Variants in TPCN2 observed in about 807,000 individuals in gnomAD.
TPCN2 encodes two pore segment channel 2.
Under a neutral mutation model 111.4 loss-of-function variants are expected in TPCN2, and 92 were observed. The observed-to-expected ratio is 0.83, with a 90% CI of 0.70 to 0.98. The LOEUF is 0.98. Ranked by LOEUF, TPCN2 falls within the 50% of genes least tolerant of loss-of-function variation. The pLI, the probability that TPCN2 is intolerant of heterozygous loss-of-function variation, is 0.00. For missense variants in TPCN2, 995 were observed against 980.1 expected, an observed-to-expected ratio of 1.02 and a Z score of -0.20; for synonymous variants, 405 against 414.5, an observed-to-expected ratio of 0.98 and a Z score of 0.28.
rs150917419 is a variant in TPCN2 at position 69,057,668 on chromosome 11, G to A, written c.520G>A (p.Val174Met). The change falls in exon 5 of 25, where the codon GTG becomes ATG. Residue 174 changes from valine to methionine, a missense_variant. By Grantham distance (21) the Val-to-Met change is conservative. Transcript: ENST00000294309. ...GGTGGTGTCTCTGGTGGACTGGACC[G>A]TGTCCCTGAGTCTCGTGTGTCATGA... ...VLVVSLVDWT[V>M]SLSLVCHEPL... The A allele has an allele frequency of 5.6e-6, 9 of 1,614,064 alleles. No individual in the cohort carries two copies. The highest frequency in any genetic ancestry group is 1.3e-5 in the African/African-American group (1 of 74,928).
intron 5 of TPCN2, among the ~76,000 whole-genome samples, chr11:69,058,682 G>A (rs1854882783): frequency 1.3e-5 from 2 of 152,222 alleles, no homozygotes; most frequent in Admixed American, 1.3e-4. Context: ...GCACGGCAGA[G>A]CGGAAGGGTG....
rs770455978 is a variant in TPCN2, at chr11:69,081,386, G to A, written c.1590-14G>A. On this transcript the variant is annotated splice_polypyrimidine_tract_variant and intron_variant, in intron 17 of 24. Coordinates refer to ENST00000294309, the MANE Select transcript of TPCN2 (RefSeq NM_139075.4). ...CTGGGCTCCTCCCAACCCGCCTCCC[G>A]TGTCTCTCCCCAGGAGGCCGGAGAT... The A allele has an allele frequency of 9.8e-6, 15 of 1,536,408 alleles. No individual in the cohort carries two copies. Among genetic ancestry groups the A allele is most frequent in the South Asian group, 3.6e-5 (3 of 83,822 alleles).
At position 69,049,009 on chromosome 11, in the gene TPCN2, C is replaced by T; in HGVS notation, c.12C>T (p.Pro4=). The T allele has an allele frequency of 8.1e-7, 1 of 1,239,648 alleles. No homozygotes were observed. The highest frequency in any genetic ancestry group is 1.0e-6 in the Non-Finnish European group (1 of 988,116). The allele number at this position is 1,239,648 out of a possible 1,614,324, so 76.8% of individuals were successfully genotyped here. ...GCGTGGGCTGCTGGATGGCGGAACC[C>T]CAGGCGGAGTCGGAGCCCCTGCTGG... The part of the protein sequence containing the change: MAE[P]QAESEPLLGG... The change falls in exon 1 of 25, where the codon CCC becomes CCT. Residue 4 remains proline, a synonymous_variant. Coordinates refer to ENST00000294309, the MANE Select transcript of TPCN2 (RefSeq NM_139075.4).
In TPCN2 at chr11:69,084,074, C is replaced by G; in HGVS notation, c.1761+58C>G. On this transcript the variant is annotated intron_variant, in intron 19 of 24. Coordinates refer to ENST00000294309, the MANE Select transcript of TPCN2 (RefSeq NM_139075.4). The stretch of plus-strand genomic sequence containing the variant: ...TGCACTGGAGTGGGAGGCTGGGAGG[C>G]TGGCGGAAGGCAGTGCCGGGCCGGC... 3 of 1,568,004 alleles carry G rather than the reference C, an allele frequency of 1.9e-6. No homozygotes were observed. In the South Asian group the frequency reaches 3.3e-5, roughly 17 times the overall value.
intron 16 of TPCN2, 102 bp from the exon 17 acceptor site, chr11:69,079,732 T>G: frequency 9.3e-5 from 100 of 1,072,086 alleles, no homozygotes; most frequent in Non-Finnish European, 1.2e-4. Context: ...AAAAGCCCCT[T>G]TTGGGGAGAA....
chr11:69,083,690 C>T (rs565597958), intron 18 of TPCN2, among the ~76,000 whole-genome samples: 7 of 151,852 alleles, frequency 4.6e-5, no homozygotes, highest in East Asian at 1.9e-4. Flanking sequence ...GCGATGCAAG[C>T]GTGTGCGAAT....
chr11:69,087,240 C>T (rs1343256716), intron 24 of TPCN2, 34 bp downstream of exon 24: 1 of 1,600,036 alleles, frequency 6.2e-7, no homozygotes. Flanking sequence ...CTGTCTGGCC[C>T]CCTGGGATGG....
intron 18 of TPCN2, among the ~76,000 whole-genome samples, chr11:69,082,662 CAT>C: frequency 6.9e-6 from 1 of 145,466 alleles, no homozygotes; most frequent in Non-Finnish European, 1.5e-5. Context: ...TGCAGATATC[CAT>C]GTGAACTCGT....
At chr11:69,063,125 T>A in intron 6 of TPCN2, 135 bp downstream of exon 6, 3 of 755,704 alleles carry the variant, frequency 4.0e-6, no homozygotes, top group Non-Finnish European at 6.6e-6. Flanking sequence ...CTGGTGACGG[T>A]GTGGGGAGGC....
rs1225722115 is a variant in TPCN2, at chr11:69,072,895, C to G, written c.1144-20C>G. On this transcript the variant is annotated intron_variant, in intron 12 of 24. Transcript: ENST00000294309. ...CACCTTCCCGTGCGCCCCTGCTGAC[C>G]TGTGCTCCTTCCTGTGCAGAAGGTG... The G allele has an allele frequency of 6.2e-7, 1 of 1,601,558 alleles. No homozygotes were observed. The highest frequency in any genetic ancestry group is 1.3e-5 in the African/African-American group (1 of 74,904).
intron 8 of TPCN2, among the ~76,000 whole-genome samples, chr11:69,068,368 G>T (rs11228476): frequency 0.062 from 4,020 of 64,446 alleles, 45 homozygotes; most frequent in Non-Finnish European, 0.095. Context: ...CTGAGTCCTA[G>T]GAAGTGACCG....
intron 5 of TPCN2, among the ~76,000 whole-genome samples, chr11:69,060,900 G>C (rs767078672): frequency 3.3e-5 from 5 of 152,220 alleles, no homozygotes; most frequent in Admixed American, 2.0e-4. Context: ...AGGGGCCAGA[G>C]CCCTGAGCAG....
intron 4 of TPCN2, among the ~76,000 whole-genome samples, chr11:69,056,722 C>T (rs993749520): frequency 1.2e-4 from 18 of 151,772 alleles, no homozygotes; most frequent in African/African-American, 2.2e-4. Flanking sequence ...TTAGTAGAGA[C>T]GGGTTTCACC....
chr11:69,071,839 G>A lies in TPCN2; in HGVS notation c.961-84G>A, dbSNP rs1855551728. ...CCAAGGCTGCCCAGACTCCCCCTCT[G>A]CCTGTTCCCCAGGGGAGGGAAGGGT... On this transcript the variant is annotated intron_variant, in intron 10 of 24. Transcript: ENST00000294309. 2.3e-6 allele frequency: 3 copies of A among 1,321,306 alleles called. No individual in the cohort carries two copies. In the African/African-American group the frequency reaches 4.3e-5, roughly 19 times the overall value. The allele number at this position is 1,321,306 out of a possible 1,614,324, so 81.8% of individuals were successfully genotyped here. A position where few individuals can be genotyped will look rare whatever the true frequency, so the allele number is the denominator to read the frequency against.
At chr11:69,063,456 G>A (rs118104166) in intron 6 of TPCN2, among the ~76,000 whole-genome samples, 3,764 of 152,010 alleles carry the variant, frequency 0.025, 338 homozygotes, top group East Asian at 0.18. Flanking sequence ...CTCTCCCTGC[G>A]CCCCAGGCCC....
intron 5 of TPCN2, among the ~76,000 whole-genome samples, chr11:69,058,017 C>T (rs1024000971): frequency 1.3e-5 from 2 of 152,218 alleles, no homozygotes; most frequent in East Asian, 1.9e-4. Context: ...CGTCCAGCCC[C>T]GGATGAGAGC....
Position 69,049,012 on chromosome 11 carries a change from G to T in TPCN2, c.15G>T (p.Gln5His). MAEP[Q>H]AESEPLLGGA... ...TGGGCTGCTGGATGGCGGAACCCCA[G>T]GCGGAGTCGGAGCCCCTGCTGGGCG... Residue 5 changes from glutamine to histidine, a missense_variant, in exon 1 of 25, where the codon CAG becomes CAT. Gln to His is a conservative substitution (Grantham distance 24). Transcript: ENST00000294309. The T allele has an allele frequency of 1.6e-6, 2 of 1,239,948 alleles. No homozygotes were observed. The highest frequency in any genetic ancestry group is 2.0e-6 in the Non-Finnish European group (2 of 988,134). The allele number at this position is 1,239,948 out of a possible 1,614,324, so 76.8% of individuals were successfully genotyped here. A position where few individuals can be genotyped will look rare whatever the true frequency, so the allele number is the denominator to read the frequency against.
intron 3 of TPCN2, 130 bp from the exon 4 acceptor site, chr11:69,055,045 T>C: frequency 2.0e-6 from 2 of 1,022,766 alleles, no homozygotes; most frequent in South Asian, 3.1e-5. Context: ...ATTCGTGATC[T>C]CCCCAGTCAC....
intron 23 of TPCN2, 84 bp from the exon 24 acceptor site, chr11:69,087,028 G>C: frequency 8.2e-7 from 1 of 1,224,576 alleles, no homozygotes; most frequent in Non-Finnish European, 1.2e-6. Context: ...GGTGCCCTGT[G>C]GCTGACCCTG....
Sources: allele counts gnomAD v4.1 joint callset (sites outside exome capture counted in the v4.1 genomes callset), GRCh38; gene constraint gnomAD v4.1.1; transcripts MANE v1.5; gene names NCBI Gene and HGNC (gene_info 2026-07-23, HGNC 2026-07-21).